RAPGEF4: variants seen among roughly 807,000 people sequenced by gnomAD.
RAPGEF4 encodes RAP guanine-nucleotide-exchange factor (GEF) 4.
Under a neutral mutation model 147.9 loss-of-function variants are expected in RAPGEF4, and 66 were observed. The observed-to-expected ratio is 0.45, with a 90% CI of 0.37 to 0.55. The LOEUF (loss-of-function observed/expected upper bound fraction) is 0.55. Among genes scored for constraint, RAPGEF4 ranks in the 20% least tolerant of loss-of-function variants. The probability of loss-of-function intolerance (pLI) is 0.00; values close to 1 mark genes in which losing one functional copy is unlikely to be tolerated. For missense variants in RAPGEF4, 1,071 were observed against 1,257.3 expected (o/e 0.85, Z 2.24); for synonymous variants, 419 against 442.7 (o/e 0.95, Z 0.67).
chr2:173,009,539 G>GT (rs919426525), intron 17 of RAPGEF4, among the ~76,000 whole-genome samples: 16 of 151,984 alleles, frequency 1.1e-4, no homozygotes, highest in African/African-American at 3.6e-4. Context: ...AAAATTCGAA[G>GT]TTTTTTTAGC....
At chr2:172,755,232 C>T (rs1243668688) in intron 1 of RAPGEF4, among the ~76,000 whole-genome samples, 3 of 151,980 alleles carry the variant, frequency 2.0e-5, no homozygotes, top group Non-Finnish European at 2.9e-5. Context: ...TAATTCAGGA[C>T]CCATAAACAT....
chr2:172,764,718 T>A (rs1251441371), intron 1 of RAPGEF4, among the ~76,000 whole-genome samples: 1 of 152,178 alleles, frequency 6.6e-6, no homozygotes, highest in South Asian at 2.1e-4. Context: ...AGCCATACCC[T>A]TATGACGTGT....
intron 15 of RAPGEF4, among the ~76,000 whole-genome samples, chr2:172,992,256 T>G (rs957276486): frequency 2.6e-5 from 4 of 152,230 alleles, no homozygotes; most frequent in Non-Finnish European, 4.4e-5. Context: ...TCCTTATTAT[T>G]TATTGTTTTC....
chr2:172,997,268 C>G (rs1693463810), intron 16 of RAPGEF4, among the ~76,000 whole-genome samples: 1 of 152,184 alleles, frequency 6.6e-6, no homozygotes, highest in Non-Finnish European at 1.5e-5. Flanking sequence ...CCCTGTGACT[C>G]TTCACATAGC....
chr2:173,007,426 A>T (rs1694592261), intron 17 of RAPGEF4, among the ~76,000 whole-genome samples: 1 of 152,214 alleles, frequency 6.6e-6, no homozygotes, highest in Non-Finnish European at 1.5e-5. Context: ...TGTGGATAGG[A>T]GTAACATCAC....
At chr2:172,817,464 T>C (rs1460656390) in intron 4 of RAPGEF4, among the ~76,000 whole-genome samples, 8 of 152,168 alleles carry the variant, frequency 5.3e-5, no homozygotes, top group Admixed American at 4.6e-4. Flanking sequence ...TGTGCTGATA[T>C]CTGTTAGTAA....
intron 4 of RAPGEF4, among the ~76,000 whole-genome samples, chr2:172,867,448 A>G (rs1250327311): frequency 6.6e-6 from 1 of 152,122 alleles, no homozygotes; most frequent in Admixed American, 6.5e-5. Context: ...TTTAACCTAC[A>G]CAGGAATGGA....
intron 6 of RAPGEF4, among the ~76,000 whole-genome samples, chr2:172,923,546 G>A (rs944056369): frequency 6.6e-6 from 1 of 152,164 alleles, no homozygotes; most frequent in Non-Finnish European, 1.5e-5. Flanking sequence ...GGGATTACAG[G>A]CATGAGCCAC....
chr2:172,859,459 A>G (rs1327108503), intron 4 of RAPGEF4, among the ~76,000 whole-genome samples: 1 of 152,256 alleles, frequency 6.6e-6, no homozygotes, highest in Non-Finnish European at 1.5e-5. Flanking sequence ...TGAATTAAAT[A>G]CAGCCTTTAG....
At chr2:172,917,699 G>A in intron 4 of RAPGEF4, 103 bp from the exon 5 acceptor site, 4 of 976,872 alleles carry the variant, frequency 4.1e-6, no homozygotes, top group Non-Finnish European at 6.5e-6. Context: ...ACAAGGCTCA[G>A]ATGCTTCCTG....
Position 172,736,011 on chromosome 2 carries a change from T to G in RAPGEF4, c.28T>G (p.Ser10Ala). The G allele has an allele frequency of 2.0e-6, 3 of 1,479,712 alleles. No homozygotes were observed. Among genetic ancestry groups the G allele is most frequent in the Non-Finnish European group, 2.7e-6 (3 of 1,113,710 alleles). The allele number at this position is 1,479,712 out of a possible 1,614,324, so 91.7% of individuals were successfully genotyped here. Residue 10 changes from serine (S) to alanine (A), a missense_variant, in exon 1 of 31, where the codon TCC becomes GCC. Ser to Ala is a moderately conservative substitution (Grantham distance 99). Transcript: ENST00000397081. MVAAHAAHS[S>A]SSAEWIACLD... ...GGTCGCTGCGCACGCTGCCCATTCT[T>G]CCTCCTCTGCCGAGTGGATCGCCTG...
At chr2:173,009,286 T>C (rs552805414) in intron 17 of RAPGEF4, among the ~76,000 whole-genome samples, 68 of 152,328 alleles carry the variant, frequency 4.5e-4, no homozygotes, top group Non-Finnish European at 7.6e-4. Context: ...TTTGTTTTTT[T>C]AGAAAAGTGC....
intron 16 of RAPGEF4, among the ~76,000 whole-genome samples, chr2:173,001,015 C>T (rs1019707512): frequency 1.3e-5 from 2 of 152,088 alleles, no homozygotes; most frequent in African/African-American, 4.8e-5. Context: ...GGCTAAGGTA[C>T]CCAGTGCCGT....
intron 4 of RAPGEF4, among the ~76,000 whole-genome samples, chr2:172,835,087 GCT>G (rs1234308520): frequency 1.3e-5 from 2 of 152,142 alleles, no homozygotes; most frequent in African/African-American, 4.8e-5. Context: ...AGATCAAACT[GCT>G]CTCTTTCCTC....
chr2:172,933,419 T>G (rs1007825951), intron 6 of RAPGEF4, among the ~76,000 whole-genome samples: 5 of 152,072 alleles, frequency 3.3e-5, no homozygotes, highest in Admixed American at 2.6e-4. Flanking sequence ...GAGGGAAGGA[T>G]GAGAGTAGAG....
intron 1 of RAPGEF4, among the ~76,000 whole-genome samples, chr2:172,741,586 C>T (rs1371633095): frequency 1.3e-5 from 2 of 151,712 alleles, no homozygotes; most frequent in South Asian, 4.1e-4. Context: ...CCTCACCCAC[C>T]TTTGAAAAAA....
intron 1 of RAPGEF4, among the ~76,000 whole-genome samples, chr2:172,770,596 T>A (rs189452000): frequency 2.0e-4 from 30 of 152,320 alleles, no homozygotes; most frequent in African/African-American, 7.2e-4. Context: ...TATTCGAATG[T>A]ACATACCTTG....
chr2:173,000,928 C>T (rs763302005), intron 16 of RAPGEF4, among the ~76,000 whole-genome samples: 4 of 152,126 alleles, frequency 2.6e-5, no homozygotes, highest in East Asian at 1.9e-4. Flanking sequence ...GACAAAGAAA[C>T]GACCATGTCT....
chr2:173,030,234 C>T lies in RAPGEF4; in HGVS notation c.2629C>T (p.Arg877Cys), dbSNP rs369850284. ...VMGLSNVAVS[R>C]LALTWEKLPS... ...GGGACTAAGTAACGTTGCTGTGAGCCGCTTGGCACTAACGTGGGAGGTAAG... is the reference window on the plus strand; with the variant it reads ...GGGACTAAGTAACGTTGCTGTGAGCTGCTTGGCACTAACGTGGGAGGTAAG... The change falls in exon 26 of 31, where the codon CGC (arginine) becomes TGC (cysteine). Residue 877 changes from arginine (R) to cysteine (C), a missense_variant. Coordinates refer to ENST00000397081, the MANE Select transcript of RAPGEF4 (RefSeq NM_007023.4). 16 of 1,613,120 alleles carry T rather than the reference C, an allele frequency of 9.9e-6. No homozygotes were observed. Among genetic ancestry groups the T allele is most frequent in the East Asian group, 4.5e-5 (2 of 44,878 alleles).
Sources: gnomAD v4.1 joint callset for allele counts (sites outside exome capture counted in the v4.1 genomes callset) on GRCh38, gnomAD v4.1.1 for gene constraint, MANE v1.5 for transcripts, NCBI Gene and HGNC (gene_info 2026-07-23, HGNC 2026-07-21) for gene names.